TAF5L: variants seen among roughly 807,000 people sequenced by gnomAD.
TAF5L encodes the protein TAF5-like RNA polymerase II p300/CBP-associated factor-associated factor 65 kDa subunit 5L.
A neutral mutation model predicts 51.3 loss-of-function variants in TAF5L; 7 were observed. The observed-to-expected ratio is 0.14, with a 90% confidence interval of 0.08 to 0.26. The LOEUF (loss-of-function observed/expected upper bound fraction) is 0.26. TAF5L is among the 10% of genes least tolerant of loss of function. The pLI, the probability that TAF5L is intolerant of heterozygous loss-of-function variation, is 1.00. For synonymous variants in TAF5L, 291 were observed against 308.1 expected, an observed-to-expected ratio of 0.94 and a Z score of 0.58; for missense variants, 575 against 758.9, an observed-to-expected ratio of 0.76 and a Z score of 2.85.
rs1395156988 is a variant in TAF5L at position 229,625,162 on chromosome 1, C to T, written c.-4+723G>A. Reference sequence around the variant, plus strand: ...TTCCTGCACTCCACTTCCGCTAAGTCTAAAATGACACCACTGTTTCTAACC... The same window carrying T: ...TTCCTGCACTCCACTTCCGCTAAGTTTAAAATGACACCACTGTTTCTAACC... On this transcript the variant is annotated intron_variant, in intron 1 of 4. Transcript: ENST00000258281. This position sits in a 1 kb window ranked among gnomAD's most constrained non-coding sequence, Gnocchi z 4.0. Among the ~76,000 whole-genome samples the T allele has an allele frequency of 6.6e-6, 1 of 152,216 alleles. No individual in the cohort carries two copies. The highest frequency in any genetic ancestry group is 1.5e-5 in the Non-Finnish European group (1 of 68,036).
intron 1 of TAF5L, among the ~76,000 whole-genome samples, chr1:229,617,627 G>C (rs1354939554): frequency 1.3e-5 from 2 of 152,186 alleles, no homozygotes; most frequent in Admixed American, 6.5e-5. Context: ...GTGAATGACT[G>C]ATCTGGAGAA....
intron 4 of TAF5L, chr1:229,601,608 C>A (rs1664376067): frequency 1.0e-6 from 1 of 986,036 alleles, no homozygotes; most frequent in Non-Finnish European, 1.2e-6. Flanking sequence ...ACTCTACTTC[C>A]TGTGTTACTT....
chr1:229,613,922 T>G (rs1664878004), intron 2 of TAF5L, among the ~76,000 whole-genome samples: 1 of 152,172 alleles, frequency 6.6e-6, no homozygotes, highest in Admixed American at 6.5e-5. Flanking sequence ...GAAGTACCAA[T>G]TTATTCAACA....
chr1:229,599,275 G>GTT (rs34051833), intron 4 of TAF5L: 18,138 of 677,046 alleles, frequency 0.027, 1 homozygote, highest in Non-Finnish European at 0.03. Flanking sequence ...CTGTTATCCT[G>GTT]TTTTTTTTTT....
At chr1:229,610,573 G>A (rs1417828512) in intron 2 of TAF5L, among the ~76,000 whole-genome samples, 1 of 152,160 alleles carries the variant, frequency 6.6e-6, no homozygotes, top group East Asian at 1.9e-4. Context: ...CACTGTGCTG[G>A]GCACTTAGTG....
rs371982508 is a variant in TAF5L at position 229,602,295 on chromosome 1, C to T, written c.872G>A (p.Cys291Tyr). 6.4e-5 allele frequency: 103 copies of T among 1,614,020 alleles called. No homozygotes were observed. The highest frequency in any genetic ancestry group is 8.5e-5 in the Non-Finnish European group (100 of 1,180,046). Reference sequence around the variant, plus strand: ...GGATCGTAAACTCCAAAGTTTTATACAGGAGTTGTCAAACCCAGCAGCAAG... The same window carrying T: ...GGATCGTAAACTCCAAAGTTTTATATAGGAGTTGTCAAACCCAGCAGCAAG... The change falls in exon 4 of 5, where the codon TGT becomes TAT. Residue 291 changes from cysteine to tyrosine, a missense_variant. Physicochemically the swap from Cys to Tyr is radical, Grantham distance 194. Around this residue, in one of 3 missense-constraint regions of TAF5L, gnomAD observed 380 missense variants for 443.7 expected, o/e 0.86. Coordinates refer to ENST00000258281, the Ensembl canonical transcript of TAF5L. This position sits in a 1 kb window ranked among gnomAD's most constrained non-coding sequence, Gnocchi z 4.6.
Position 229,602,765 on chromosome 1 carries a change from C to A in TAF5L, c.402G>T (p.Lys134Asn). 1.9e-6 allele frequency: 3 copies of A among 1,614,124 alleles called. No individual in the cohort carries two copies. ...TGGTCTGTAGCTGCTCAATGACATC[C>A]TTCTGGCTAGCATTCTGCAGAAACA... is the stretch of plus-strand genomic sequence containing the variant. The change falls in exon 4 of 5, where the codon AAG becomes AAT. Residue 134 changes from lysine (K) to asparagine (N), a missense_variant. Coordinates refer to ENST00000258281, the Ensembl canonical transcript of TAF5L. The surrounding 1 kb of genome is among the most constrained non-coding windows in gnomAD (Gnocchi z 4.6).
chr1:229,611,624 T>C (rs550716716), intron 2 of TAF5L, among the ~76,000 whole-genome samples: 6 of 152,284 alleles, frequency 3.9e-5, no homozygotes, highest in Non-Finnish European at 8.8e-5. Context: ...ACTCTGTCAC[T>C]AAGTCCTACA....
intron 3 of TAF5L, among the ~76,000 whole-genome samples, chr1:229,609,696 G>A (rs1664720524): frequency 6.6e-6 from 1 of 152,178 alleles, no homozygotes; most frequent in African/African-American, 2.4e-5. Context: ...GAGATGTCAT[G>A]TACATTTCAA....
chr1:229,593,655 A>C (rs1664001772), exon 5 of TAF5L: 1 of 152,106 alleles, frequency 6.6e-6, no homozygotes, highest in South Asian at 2.1e-4. Flanking sequence ...CAAAATTCCA[A>C]GTATCAAAAC....
At chr1:229,603,046 T>A in intron 3 of TAF5L, 127 bp from the exon 4 acceptor site, 1 of 1,422,792 alleles carries the variant, frequency 7.0e-7, no homozygotes, top group South Asian at 1.6e-5. Context: ...GAGTACTGAT[T>A]GAACTATAAG....
rs550364148 is a variant in TAF5L at position 229,596,359 on chromosome 1, A to C, written c.973-1265T>G. ...CCAAAATAAAACCTGGATGTTTAAGAATTAACACTAAGCTAGAAAGGTACA... is the reference window on the plus strand; with the variant it reads ...CCAAAATAAAACCTGGATGTTTAAGCATTAACACTAAGCTAGAAAGGTACA... On this transcript the variant is annotated intron_variant, in intron 4 of 4. Coordinates refer to ENST00000258281, the Ensembl canonical transcript of TAF5L. Among the ~76,000 whole-genome samples, 6 of 152,318 alleles carry C rather than the reference A, an allele frequency of 3.9e-5. No homozygotes were observed. The East Asian group carries it at 1.2e-3, about 29-fold the overall frequency.
chr1:229,606,042 G>A, intron 3 of TAF5L: 2 of 633,614 alleles, frequency 3.2e-6, no homozygotes, highest in Non-Finnish European at 3.9e-6. Context: ...TTTCTAAAAT[G>A]AGAGGCATTT....
At chr1:229,607,289 T>G in intron 3 of TAF5L, 22 of 985,398 alleles carry the variant, frequency 2.2e-5, no homozygotes, top group Non-Finnish European at 2.4e-5. Context: ...ATTCTGGTCC[T>G]TTCTCACCTC....
chr1:229,606,871 G>T, intron 3 of TAF5L: 1 of 985,402 alleles, frequency 1.0e-6, no homozygotes, highest in Non-Finnish European at 1.2e-6. Flanking sequence ...CTCATCTACA[G>T]ACAACCTGTG....
chr1:229,599,553 T>C (rs1444603600), intron 4 of TAF5L: 1 of 156,202 alleles, frequency 6.4e-6, no homozygotes. Context: ...CTTTTATGAC[T>C]GGCTTCTTTC....
intron 2 of TAF5L, 141 bp from the exon 3 acceptor site, chr1:229,610,351 G>T (rs1486454276): frequency 2.8e-6 from 2 of 721,132 alleles, no homozygotes; most frequent in South Asian, 1.8e-5. Flanking sequence ...AAGCATGCTG[G>T]GTCCTGGTTA....
chr1:229,617,755 T>G (rs1022560345), intron 1 of TAF5L, among the ~76,000 whole-genome samples: 2 of 152,318 alleles, frequency 1.3e-5, no homozygotes, highest in South Asian at 4.2e-4. Flanking sequence ...GAATGAATGA[T>G]AGTCAACACT....
At position 229,594,216 on chromosome 1, in the gene TAF5L, T is replaced by C; in HGVS notation, c.*81A>G. ...GAGGAGGGGGCTCTTTCACAGTCAA[T>C]GATTCAATCTCAGCTCATTGAAGGA... On this transcript the variant is annotated 3_prime_UTR_variant, in exon 5 of 5. Coordinates refer to ENST00000258281, the Ensembl canonical transcript of TAF5L. This position sits in a 1 kb window ranked among gnomAD's most constrained non-coding sequence, Gnocchi z 7.9. 1.4e-6 allele frequency: 2 copies of C among 1,440,828 alleles called. No individual in the cohort carries two copies. The highest frequency in any genetic ancestry group is 1.9e-6 in the Non-Finnish European group (2 of 1,065,410). The allele number at this position is 1,440,828 out of a possible 1,614,324, so 89.3% of individuals were successfully genotyped here. A position where few individuals can be genotyped will look rare whatever the true frequency, so the allele number is the denominator to read the frequency against.
Sources: gnomAD v4.1 joint callset for allele counts (sites outside exome capture counted in the v4.1 genomes callset) on GRCh38, gnomAD v4.1.1 for gene constraint, gnomAD v4.1.1 regional missense constraint, Gnocchi (gnomAD v3.1) non-coding constraint, MANE v1.5 for transcripts, NCBI Gene and HGNC (gene_info 2026-07-23, HGNC 2026-07-21) for gene names.